Variants in PELI2 observed in about 807,000 individuals in gnomAD.
The protein encoded by PELI2 is E3 ubiquitin-protein ligase pellino homolog 2.
In PELI2, 23 loss-of-function variants were observed where a neutral mutation model predicts 42.3. The observed-to-expected ratio is 0.54, with a 90% CI of 0.39 to 0.77. The LOEUF is 0.77. Among genes scored for constraint, PELI2 ranks in the 30% least tolerant of loss-of-function variants. The probability of loss-of-function intolerance (pLI) is 0.00; values close to 1 mark genes in which losing one functional copy is unlikely to be tolerated. For missense variants in PELI2, 463 were observed against 553.2 expected (o/e 0.84, Z 1.64); for synonymous variants, 245 against 212.2 (o/e 1.15, Z -1.34).
rs148198688 is a variant in PELI2 at position 56,282,537 on chromosome 14, T to G, written c.309+2760T>G. Among the ~76,000 whole-genome samples the G allele has an allele frequency of 6.6e-3, 998 of 152,174 alleles. 11 individuals carry two copies. Among genetic ancestry groups the G allele is most frequent in the African/African-American group, 0.022 (916 of 41,564 alleles). On this transcript the variant is annotated intron_variant, in intron 3 of 5. Transcript: ENST00000267460. ...TGAGCAGGTGGTATACAGGGAGATATTTTACACTTTTCGATTTTTGGAACT... is the reference window on the plus strand; with the variant it reads ...TGAGCAGGTGGTATACAGGGAGATAGTTTACACTTTTCGATTTTTGGAACT...
intron 2 of PELI2, among the ~76,000 whole-genome samples, chr14:56,276,223 C>G (rs924656690): frequency 1.3e-5 from 2 of 152,194 alleles, no homozygotes; most frequent in African/African-American, 4.8e-5. Flanking sequence ...TTAATTTCCC[C>G]TAACCACCTA....
chr14:56,139,609 T>TA (rs2043372741), intron 1 of PELI2, among the ~76,000 whole-genome samples: 2 of 152,288 alleles, frequency 1.3e-5, no homozygotes, highest in South Asian at 4.2e-4. Flanking sequence ...AAGGTCTTTT[T>TA]AAAAAAATTC....
chr14:56,298,311 C>T lies in PELI2; in HGVS notation c.*1145C>T, dbSNP rs1305816641. On this transcript the variant is annotated 3_prime_UTR_variant, in exon 6 of 6. Coordinates refer to ENST00000267460, the MANE Select transcript of PELI2 (RefSeq NM_021255.3). ...CATCTGCAGAGATAATTCAAAATTC[C>T]TGCTTTTGAGAGAGCAAATGAGTGT... The T allele has an allele frequency of 7.3e-6, 1 of 136,070 alleles. No homozygotes were observed. The highest frequency in any genetic ancestry group is 2.9e-5 in the African/African-American group (1 of 34,058). The allele number at this position is 136,070 out of a possible 1,614,324, so 8.4% of individuals were successfully genotyped here. A position where few individuals can be genotyped will look rare whatever the true frequency, so the allele number is the denominator to read the frequency against.
intron 1 of PELI2, among the ~76,000 whole-genome samples, chr14:56,165,213 G>C (rs1884912443): frequency 6.6e-6 from 1 of 151,886 alleles, no homozygotes; most frequent in Non-Finnish European, 1.5e-5. Context: ...GATAGGTTTT[G>C]GTATGTTGTA....
intron 5 of PELI2, among the ~76,000 whole-genome samples, 153 bp downstream of exon 5, chr14:56,290,609 A>C (rs965331449): frequency 6.6e-6 from 1 of 152,176 alleles, no homozygotes; most frequent in Non-Finnish European, 1.5e-5. Flanking sequence ...CAAGCCCCTG[A>C]AATCAAGAGG....
At chr14:56,261,065 G>T (rs1412195519) in intron 2 of PELI2, among the ~76,000 whole-genome samples, 3 of 151,734 alleles carry the variant, frequency 2.0e-5, no homozygotes, top group Non-Finnish European at 4.4e-5. Context: ...TGTTCTGGCT[G>T]CAGGGAGATA....
At chr14:56,164,402 G>T (rs1221927014) in intron 1 of PELI2, among the ~76,000 whole-genome samples, 3 of 152,106 alleles carry the variant, frequency 2.0e-5, no homozygotes, top group Non-Finnish European at 4.4e-5. Flanking sequence ...ACTTGGTCAT[G>T]GTGAATGTTC....
At chr14:56,156,553 C>T (rs1464851111) in intron 1 of PELI2, among the ~76,000 whole-genome samples, 3 of 152,134 alleles carry the variant, frequency 2.0e-5, no homozygotes, top group African/African-American at 7.2e-5. Flanking sequence ...GCTGTGTGAC[C>T]TTGAGGATGC....
In PELI2 at chr14:56,234,911, G is replaced by A. The variant is rs573524206; in HGVS notation, c.208-44765G>A. Among the ~76,000 whole-genome samples the A allele has an allele frequency of 1.1e-3, 170 of 152,218 alleles. 2 individuals are homozygous for A. Among genetic ancestry groups the A allele is most frequent in the African/African-American group, 4.0e-3 (164 of 41,516 alleles). Reference sequence around the variant, plus strand: ...GAGGGCTGGTTGTGGGTGCTGGCAGGGGCTTAAATTGCCCAAACCTGGTAA... The same window carrying A: ...GAGGGCTGGTTGTGGGTGCTGGCAGAGGCTTAAATTGCCCAAACCTGGTAA... On this transcript the variant is annotated intron_variant, in intron 2 of 5. Coordinates refer to ENST00000267460, the MANE Select transcript of PELI2 (RefSeq NM_021255.3).
intron 1 of PELI2, among the ~76,000 whole-genome samples, chr14:56,130,225 G>T (rs139305199): frequency 1.8e-4 from 28 of 152,240 alleles, no homozygotes; most frequent in Non-Finnish European, 3.4e-4. Context: ...TGGGTTCTTT[G>T]TAAAGTGCTA....
In PELI2 at chr14:56,119,686, TGGGCAGTGAAA is replaced by T. The variant is rs1179845860; in HGVS notation, c.77+953_77+963del. The T allele has an allele frequency of 1.4e-5, 11 of 780,786 alleles. No homozygotes were observed. The African/African-American group carries it at 2.1e-4, about 15-fold the overall frequency. 48.4% of individuals were successfully genotyped at this position (780,786 alleles called of 1,614,324 possible). ...TTTGCGGGCTTAAAACTGGATATAG[TGGGCAGTGAAA>T]GGGGAGGGGGAAGGGGGAAGTGCAG... On this transcript the variant is annotated intron_variant, in intron 1 of 5. Transcript: ENST00000267460.
At chr14:56,192,214 T>C (rs974680236) in intron 2 of PELI2, among the ~76,000 whole-genome samples, 1 of 152,214 alleles carries the variant, frequency 6.6e-6, no homozygotes, top group Admixed American at 6.5e-5. Flanking sequence ...GGAATAAAGT[T>C]TTTAGCACCA....
chr14:56,203,726 G>A (rs892747147), intron 2 of PELI2, among the ~76,000 whole-genome samples: 4 of 152,102 alleles, frequency 2.6e-5, no homozygotes, highest in African/African-American at 9.7e-5. Context: ...ATAGATCTCA[G>A]TCCTCATCTT....
chr14:56,273,999 T>C lies in PELI2; in HGVS notation c.208-5677T>C, dbSNP rs992547091. ...AGGTGGTCTACTTCAGCTCCAAACA[T>C]CATGTCATATTTTAGTGACAGAGAA... On this transcript the variant is annotated intron_variant, in intron 2 of 5. Coordinates refer to ENST00000267460, the MANE Select transcript of PELI2 (RefSeq NM_021255.3). This position sits in a 1 kb window ranked among gnomAD's most constrained non-coding sequence, Gnocchi z 4.3. Among the ~76,000 whole-genome samples the C allele has an allele frequency of 2.0e-5, 3 of 152,160 alleles. No homozygotes were observed. The highest frequency in any genetic ancestry group is 4.1e-4 in the South Asian group (2 of 4,826).
At chr14:56,157,747 A>T (rs964227616) in intron 1 of PELI2, among the ~76,000 whole-genome samples, 1 of 152,340 alleles carries the variant, frequency 6.6e-6, no homozygotes, top group East Asian at 1.9e-4. Flanking sequence ...AGCATATTCA[A>T]AAAGTTTAAA....
At chr14:56,161,736 T>A (rs242414) in intron 1 of PELI2, among the ~76,000 whole-genome samples, 13,824 of 152,108 alleles carry the variant, frequency 0.091, 912 homozygotes, top group East Asian at 0.28. Context: ...ATATATATAT[T>A]TTTTTTCAGT....
rs189098018 is a variant in PELI2 at position 56,218,096 on chromosome 14, A to C, written c.207+39632A>C. On this transcript the variant is annotated intron_variant, in intron 2 of 5. Transcript: ENST00000267460. ...CAACATCATGTAGCTAATACGTGAT[A>C]AAGCTGGGGTTTGAGCCCTGTTTTG... Among the ~76,000 whole-genome samples the C allele has an allele frequency of 2.9e-3, 439 of 152,362 alleles. 1 individual carries two copies. The highest frequency in any genetic ancestry group is 0.01 in the Middle Eastern group (3 of 294).
chr14:56,173,223 A>C (rs1160560534), intron 1 of PELI2, among the ~76,000 whole-genome samples: 2 of 151,768 alleles, frequency 1.3e-5, no homozygotes, highest in East Asian at 3.9e-4. Context: ...TTTATCCCTC[A>C]CCCTGTGCAT....
chr14:56,142,792 T>A (rs1883965301), intron 1 of PELI2, among the ~76,000 whole-genome samples: 1 of 152,156 alleles, frequency 6.6e-6, no homozygotes, highest in Non-Finnish European at 1.5e-5. Flanking sequence ...ACTACTGCCC[T>A]ATTTTTTTTA....
Sources: gnomAD v4.1 joint callset for allele counts (sites outside exome capture counted in the v4.1 genomes callset) on GRCh38, gnomAD v4.1.1 for gene constraint, Gnocchi (gnomAD v3.1) non-coding constraint, MANE v1.5 for transcripts, NCBI Gene and HGNC (gene_info 2026-07-23, HGNC 2026-07-21) for gene names.